KLHL20: variants seen among roughly 807,000 people sequenced by gnomAD.
KLHL20 encodes the protein kelch-like protein 20.
Under a neutral mutation model 69.5 loss-of-function variants are expected in KLHL20, and 29 were observed. The observed-to-expected ratio is 0.42, with a 90% CI of 0.31 to 0.57. The LOEUF (loss-of-function observed/expected upper bound fraction) is 0.57, where lower values mean the gene tolerates loss of function less well. Among genes scored for constraint, KLHL20 ranks in the 20% least tolerant of loss-of-function variants. The pLI is 0.18. For missense variants in KLHL20, 419 were observed against 776.0 expected, an observed-to-expected ratio of 0.54 and a Z score of 5.47; for synonymous variants, 253 against 265.2, an observed-to-expected ratio of 0.95 and a Z score of 0.45.
chr1:173,783,952 G>A (rs935828792), intron 11 of KLHL20, among the ~76,000 whole-genome samples: 2 of 151,280 alleles, frequency 1.3e-5, no homozygotes, highest in East Asian at 1.9e-4. Flanking sequence ...CCAAGCGCAC[G>A]CCTGTAATCC....
rs1024511991 is a variant in KLHL20, at chr1:173,784,849, A to G, written c.1746-314A>G. ...AATGTAGAATATATAATTCTGTGTA[A>G]CCGTTAGAAGTCAGTGAGGTATACA... On this transcript the variant is annotated intron_variant, in intron 11 of 11. Coordinates refer to ENST00000209884, the MANE Select transcript of KLHL20 (RefSeq NM_014458.4). Among the ~76,000 whole-genome samples, 6 of 152,320 alleles carry G rather than the reference A, an allele frequency of 3.9e-5. No individual in the cohort carries two copies. The South Asian group carries it at 1.0e-3, about 26-fold the overall frequency.
At chr1:173,781,006 G>A (rs921274216) in intron 10 of KLHL20, among the ~76,000 whole-genome samples, 2 of 147,524 alleles carry the variant, frequency 1.4e-5, no homozygotes, top group African/African-American at 5.0e-5. Flanking sequence ...AGAGAGAGAG[G>A]GAAAGAGGGA....
At chr1:173,740,022 A>G (rs187611593) in intron 3 of KLHL20, among the ~76,000 whole-genome samples, 20 of 150,798 alleles carry the variant, frequency 1.3e-4, no homozygotes, top group South Asian at 6.3e-4. Context: ...TCCATTTTGT[A>G]TATCTTTTCA....
intron 11 of KLHL20, among the ~76,000 whole-genome samples, chr1:173,782,582 G>A (rs969829425): frequency 1.3e-5 from 2 of 151,884 alleles, no homozygotes; most frequent in Admixed American, 1.3e-4. Flanking sequence ...CTAGGTCTTT[G>A]GCTCCAAATC....
intron 11 of KLHL20, among the ~76,000 whole-genome samples, chr1:173,783,666 G>A (rs1194522868): frequency 3.9e-5 from 6 of 152,042 alleles, no homozygotes; most frequent in Non-Finnish European, 8.8e-5. Context: ...TCAGGAGTTC[G>A]AGACCAGCCT....
chr1:173,782,595 T>A (rs188626961), intron 11 of KLHL20, among the ~76,000 whole-genome samples: 13 of 152,208 alleles, frequency 8.5e-5, no homozygotes, highest in African/African-American at 3.1e-4. Flanking sequence ...TCCAAATCTG[T>A]CCATGCCATT....
chr1:173,726,251 G>A (rs953141646), intron 2 of KLHL20, among the ~76,000 whole-genome samples: 1 of 152,034 alleles, frequency 6.6e-6, no homozygotes, highest in African/African-American at 2.4e-5. Flanking sequence ...CGGCTGGGAA[G>A]CTCGAACGTG....
intron 2 of KLHL20, among the ~76,000 whole-genome samples, chr1:173,726,943 C>T (rs187577122): frequency 2.0e-5 from 3 of 152,244 alleles, no homozygotes; most frequent in African/African-American, 7.2e-5. Context: ...GACTATCAAA[C>T]TTCTCTGAGC....
intron 10 of KLHL20, among the ~76,000 whole-genome samples, chr1:173,779,895 T>C (rs1421812841): frequency 2.6e-5 from 4 of 152,198 alleles, no homozygotes; most frequent in South Asian, 4.1e-4. Flanking sequence ...CCCTGGGACA[T>C]GTTCTAGACC....
rs1416694242 is a variant in KLHL20, at chr1:173,780,793, G to C, written c.1639-1331G>C. Among the ~76,000 whole-genome samples the C allele has an allele frequency of 3.3e-5, 5 of 151,574 alleles. 1 individual carries two copies. The highest frequency in any genetic ancestry group is 2.0e-4 in the Admixed American group (3 of 15,216). ...TCATCTAGGCTGGAGTGCAGTGTGC[G>C]ATCTTGGCTCACTGCAACCTCCACC... On this transcript the variant is annotated intron_variant, in intron 10 of 11. Coordinates refer to ENST00000209884, the MANE Select transcript of KLHL20 (RefSeq NM_014458.4).
rs748635652 is a variant in KLHL20 at position 173,757,177 on chromosome 1, G to C, written c.1151+18G>C. On this transcript the variant is annotated intron_variant, in intron 7 of 11. Coordinates refer to ENST00000209884, the MANE Select transcript of KLHL20 (RefSeq NM_014458.4). The stretch of plus-strand genomic sequence containing the variant: ...GTTGAAAGGTGAGTAAGGTCAATCT[G>C]TAATTTTCTCTCTACTATTCATATA... 12 of 1,581,394 alleles carry C rather than the reference G, an allele frequency of 7.6e-6. No homozygotes were observed. Among genetic ancestry groups the C allele is most frequent in the Admixed American group, 1.8e-5 (1 of 56,936 alleles).
In KLHL20 at chr1:173,766,183, G is replaced by T; in HGVS notation, c.1189G>T (p.Ala397Ser). 1 of 1,611,198 alleles carries T rather than the reference G, an allele frequency of 6.2e-7. No individual in the cohort carries two copies. Among genetic ancestry groups the T allele is most frequent in the Non-Finnish European group, 8.5e-7 (1 of 1,178,696 alleles). Reference protein sequence around the residue: ...PKTNQWSSDVAPTSTCRTSVG... With the variant: ...PKTNQWSSDVSPTSTCRTSVG... ...AACAAACCAGTGGAGCAGTGATGTG[G>T]CCCCTACAAGCACCTGCAGGACAAG... Residue 397 changes from alanine to serine, a missense_variant, in exon 8 of 12, where the codon GCC (alanine) becomes TCC (serine). Ala to Ser is a moderately conservative substitution (Grantham distance 99). Around this residue, in one of 6 missense-constraint regions of KLHL20, gnomAD observed 32 missense variants for 98.9 expected, o/e 0.32. Transcript: ENST00000209884.
chr1:173,731,367 GT>G (rs1672266622), intron 2 of KLHL20, among the ~76,000 whole-genome samples: 1 of 152,108 alleles, frequency 6.6e-6, no homozygotes, highest in African/African-American at 2.4e-5. Flanking sequence ...CCAATACTGG[GT>G]ATATACCCAA....
chr1:173,717,740 T>G (rs1368511811), intron 2 of KLHL20, among the ~76,000 whole-genome samples: 1 of 152,200 alleles, frequency 6.6e-6, no homozygotes, highest in Non-Finnish European at 1.5e-5. Flanking sequence ...GAATAATTGT[T>G]TGAATAGGAC....
rs1464297161 is a variant in KLHL20 at position 173,774,325 on chromosome 1, A to G, written c.1316A>G (p.Lys439Arg). The G allele has an allele frequency of 1.9e-6, 3 of 1,614,034 alleles. No homozygotes were observed. Among genetic ancestry groups the G allele is most frequent in the African/African-American group, 1.3e-5 (1 of 74,922 alleles). Residue 439 changes from lysine to arginine, a missense_variant, in exon 9 of 12, where the codon AAG becomes AGG. Lys to Arg is a conservative substitution (Grantham distance 26). Coordinates refer to ENST00000209884, the MANE Select transcript of KLHL20 (RefSeq NM_014458.4). ...IVERYDPKEN[K>R]WTRVASMSTR... ...TGCAGGTATGATCCGAAGGAGAACA[A>G]GTGGACTCGGGTAGCTTCTATGAGT...
At chr1:173,752,056 T>C (rs1468369913) in intron 4 of KLHL20, 134 bp downstream of exon 4, 6 of 734,336 alleles carry the variant, frequency 8.2e-6, no homozygotes, top group Non-Finnish European at 1.3e-5. Context: ...GCCAACATGG[T>C]GAAACCCTGT....
At position 173,724,166 on chromosome 1, in the gene KLHL20, T is replaced by C. The variant is rs1351780731; in HGVS notation, c.23+8100T>C. Among the ~76,000 whole-genome samples, 4 of 151,420 alleles carry C rather than the reference T, an allele frequency of 2.6e-5. 1 individual carries two copies. The South Asian group carries it at 8.3e-4, about 31-fold the overall frequency. On this transcript the variant is annotated intron_variant, in intron 2 of 11. Coordinates refer to ENST00000209884, the MANE Select transcript of KLHL20 (RefSeq NM_014458.4). ...CATACACATACATGATATATATGTT[T>C]TGGGGATTTTTTTTTTTTTTTTTAG...
chr1:173,755,376 ACTCTT>A (rs1331701314), intron 5 of KLHL20, among the ~76,000 whole-genome samples: 3 of 151,634 alleles, frequency 2.0e-5, no homozygotes, highest in African/African-American at 7.3e-5. Context: ...TAATTACTAG[ACTCTT>A]CTCTTAAAGT....
intron 3 of KLHL20, among the ~76,000 whole-genome samples, chr1:173,740,522 C>T (rs1672756105): frequency 6.6e-6 from 1 of 152,036 alleles, no homozygotes; most frequent in Admixed American, 6.6e-5. Flanking sequence ...TTGATGTAGG[C>T]ATTTAATGCT....
Sources: allele counts gnomAD v4.1 joint callset (sites outside exome capture counted in the v4.1 genomes callset), GRCh38; gene constraint gnomAD v4.1.1; regional missense constraint gnomAD v4.1.1; transcripts MANE v1.5; gene names NCBI Gene and HGNC (gene_info 2026-07-23, HGNC 2026-07-21).